The following SLC4A4 variants were observed in gnomAD, a reference collection of about 807,000 sequenced individuals.
SLC4A4 encodes the protein solute carrier family 4 member 4.
In SLC4A4, 27 loss-of-function variants were observed where a neutral mutation model predicts 111.5. The ratio of observed to expected loss-of-function variants is 0.24; its 90% CI spans 0.18 to 0.33. The LOEUF (loss-of-function observed/expected upper bound fraction) is 0.33. Ranked by LOEUF, SLC4A4 falls within the 10% of genes least tolerant of loss-of-function variation. The pLI is 1.00. For synonymous variants in SLC4A4, 443 were observed against 463.4 expected, an observed-to-expected ratio of 0.96 and a Z score of 0.57; for missense variants, 909 against 1,315.5, an observed-to-expected ratio of 0.69 and a Z score of 4.78.
chr4:71,369,955 A>G (rs1304293002), intron 6 of SLC4A4, among the ~76,000 whole-genome samples: 2 of 152,248 alleles, frequency 1.3e-5, no homozygotes, highest in South Asian at 4.1e-4. Context: ...TTGTGAGAAC[A>G]TACCCTTGGT....
At chr4:71,457,449 C>T (rs368428726) in intron 12 of SLC4A4, among the ~76,000 whole-genome samples, 3 of 152,102 alleles carry the variant, frequency 2.0e-5, no homozygotes, top group Non-Finnish European at 4.4e-5. Flanking sequence ...ACTTTAGCTA[C>T]GGCTTCTTTG....
At chr4:71,567,592 T>A (rs1461471167) in intron 25 of SLC4A4, among the ~76,000 whole-genome samples, 196 bp from the exon 26 acceptor site, 1 of 151,790 alleles carries the variant, frequency 6.6e-6, no homozygotes, top group Non-Finnish European at 1.5e-5. Flanking sequence ...CTTATGAATT[T>A]TTTTACTTGA....
intron 9 of SLC4A4, among the ~76,000 whole-genome samples, chr4:71,449,140 G>A (rs1725530862): frequency 6.6e-6 from 1 of 152,166 alleles, no homozygotes; most frequent in African/African-American, 2.4e-5. Flanking sequence ...TAAATCAAGA[G>A]CTAAGGCTCT....
intron 2 of SLC4A4, among the ~76,000 whole-genome samples, chr4:71,181,195 TCA>T (rs1745281015): frequency 8.8e-6 from 1 of 114,162 alleles, no homozygotes; most frequent in Non-Finnish European, 1.6e-5. Context: ...AAGGGGAACA[TCA>T]CACACCAGGG....
intron 1 of SLC4A4, among the ~76,000 whole-genome samples, chr4:71,083,410 A>G (rs1387574286): frequency 6.6e-6 from 1 of 151,898 alleles, no homozygotes; most frequent in Non-Finnish European, 1.5e-5. Context: ...GCCAATAGCT[A>G]CTTTAAATTC....
chr4:71,069,539 G>C (rs1355291794), intron 1 of SLC4A4, among the ~76,000 whole-genome samples: 1 of 152,136 alleles, frequency 6.6e-6, no homozygotes, highest in Non-Finnish European at 1.5e-5. Flanking sequence ...TTGTTAAGCT[G>C]CTGTTTATAG....
intron 16 of SLC4A4, among the ~76,000 whole-genome samples, chr4:71,526,715 C>G (rs1176325978): frequency 6.6e-6 from 1 of 152,018 alleles, no homozygotes; most frequent in African/African-American, 2.4e-5. Context: ...AAATTGAGAT[C>G]TGGAGATCAG....
At chr4:71,424,058 C>T (rs1478576341) in intron 7 of SLC4A4, among the ~76,000 whole-genome samples, 1 of 151,942 alleles carries the variant, frequency 6.6e-6, no homozygotes, top group African/African-American at 2.4e-5. Flanking sequence ...ACAGGCAACC[C>T]ACAAAATGGG....
At chr4:71,356,900 C>T in intron 5 of SLC4A4, 108 bp from the exon 6 acceptor site, 5 of 1,012,796 alleles carry the variant, frequency 4.9e-6, no homozygotes, top group Non-Finnish European at 7.4e-6. Context: ...ATTTAGAAAA[C>T]AATATCTTGC....
intron 2 of SLC4A4, among the ~76,000 whole-genome samples, chr4:71,179,471 A>C (rs1296109577): frequency 6.6e-6 from 1 of 152,214 alleles, no homozygotes; most frequent in Non-Finnish European, 1.5e-5. Flanking sequence ...GTCTCAGCCC[A>C]AAATCTCCTT....
At chr4:71,500,148 G>A (rs1391237260) in intron 16 of SLC4A4, among the ~76,000 whole-genome samples, 3 of 152,036 alleles carry the variant, frequency 2.0e-5, no homozygotes, top group Non-Finnish European at 2.9e-5. Flanking sequence ...ATCTCATTGT[G>A]GATGTAATTT....
At chr4:71,418,936 T>C (rs1035946098) in intron 7 of SLC4A4, among the ~76,000 whole-genome samples, 1 of 152,216 alleles carries the variant, frequency 6.6e-6, no homozygotes. Context: ...TGCAGGTCTG[T>C]TGGAGTTTGC....
At chr4:71,482,799 T>C (rs1416803072) in intron 14 of SLC4A4, among the ~76,000 whole-genome samples, 1 of 151,598 alleles carries the variant, frequency 6.6e-6, no homozygotes, top group Non-Finnish European at 1.5e-5. Flanking sequence ...CTATCTCATC[T>C]TGAATTCTGT....
At chr4:71,254,975 C>G (rs546619128) in intron 2 of SLC4A4, among the ~76,000 whole-genome samples, 1 of 152,232 alleles carries the variant, frequency 6.6e-6, no homozygotes, top group South Asian at 2.1e-4. Flanking sequence ...TTTTCCTAAA[C>G]AAAAGTAGTC....
chr4:71,443,939 C>A (rs1048776943), intron 8 of SLC4A4, among the ~76,000 whole-genome samples: 1 of 152,066 alleles, frequency 6.6e-6, no homozygotes, highest in South Asian at 2.1e-4. Context: ...TAATATTTAC[C>A]GCATGTAATG....
At chr4:71,493,561 C>T (rs964684956) in intron 15 of SLC4A4, among the ~76,000 whole-genome samples, 37 of 151,874 alleles carry the variant, frequency 2.4e-4, no homozygotes, top group Middle Eastern at 3.2e-3. Flanking sequence ...CCCTTTGGTC[C>T]TCAGGCACCA....
chr4:71,477,526 T>TA (rs1408740850), intron 14 of SLC4A4, among the ~76,000 whole-genome samples: 26 of 151,814 alleles, frequency 1.7e-4, no homozygotes, highest in Non-Finnish European at 2.9e-4. Context: ...AAAAAAAAGT[T>TA]AAAGCTTCAT....
At chr4:71,403,900 G>A (rs1423221521) in intron 7 of SLC4A4, among the ~76,000 whole-genome samples, 1 of 152,076 alleles carries the variant, frequency 6.6e-6, no homozygotes, top group Non-Finnish European at 1.5e-5. Flanking sequence ...GAATATCCCA[G>A]TGCATTAAAA....
In SLC4A4 at chr4:71,466,607, A is replaced by G; in HGVS notation, c.1631+30A>G. 3 of 1,605,172 alleles carry G rather than the reference A, an allele frequency of 1.9e-6. No individual in the cohort carries two copies. The South Asian group carries it at 3.3e-5, about 18-fold the overall frequency. ...GTACATACATATTTAATTGCAAATT[A>G]GAATTGCTTAATTGTAGAACCTTTA... On this transcript the variant is annotated intron_variant, in intron 13 of 25. Coordinates refer to ENST00000264485, the MANE Select transcript of SLC4A4 (RefSeq NM_001098484.3).
Sources: gnomAD v4.1 joint callset for allele counts (sites outside exome capture counted in the v4.1 genomes callset) on GRCh38, gnomAD v4.1.1 for gene constraint, MANE v1.5 for transcripts, NCBI Gene and HGNC (gene_info 2026-07-23, HGNC 2026-07-21) for gene names.